HHIPL2: variants seen among roughly 807,000 people sequenced by gnomAD.
HHIPL2 encodes the protein HHIP like 2.
Under a neutral mutation model 61.0 loss-of-function variants are expected in HHIPL2, and 61 were observed. That is an observed-to-expected ratio of 1.00 (90% CI 0.81 to 1.24). The LOEUF (loss-of-function observed/expected upper bound fraction) is 1.24. Ranked by LOEUF, HHIPL2 falls within the 50% of genes most tolerant of loss-of-function variation. The pLI, the probability that HHIPL2 is intolerant of heterozygous loss-of-function variation, is 0.00. For missense variants in HHIPL2, 885 were observed against 910.2 expected, an observed-to-expected ratio of 0.97 and a Z score of 0.36; for synonymous variants, 343 against 357.4, an observed-to-expected ratio of 0.96 and a Z score of 0.45.
rs2102620704 is a variant in HHIPL2 at position 222,542,029 on chromosome 1, A to G, written c.1101T>C (p.Phe367=). Reference sequence around the variant, plus strand: ...CAGCTTACTTGTTCTGAGCATTTCCAAACAGGCCAAAGGGATCTCCAGCCT... The same window carrying G: ...CAGCTTACTTGTTCTGAGCATTTCCGAACAGGCCAAAGGGATCTCCAGCCT... ...GGQAGDPFGL[F]GNAQNKSSLL... The change falls in exon 3 of 9, where the codon TTT becomes TTC. Residue 367 remains phenylalanine, a synonymous_variant. Coordinates refer to ENST00000343410, the MANE Select transcript of HHIPL2 (RefSeq NM_024746.4). The G allele has an allele frequency of 1.2e-6, 2 of 1,612,942 alleles. No individual in the cohort carries two copies. Among genetic ancestry groups the G allele is most frequent in the Non-Finnish European group, 8.5e-7 (1 of 1,179,738 alleles).
chr1:222,546,364 G>T (rs1374264840), intron 1 of HHIPL2, among the ~76,000 whole-genome samples: 2 of 152,190 alleles, frequency 1.3e-5, no homozygotes, highest in African/African-American at 4.8e-5. Flanking sequence ...TCAGTAAAAT[G>T]AGGATCATAA....
chr1:222,538,865 A>G, intron 4 of HHIPL2, 91 bp from the exon 5 acceptor site: 1 of 1,352,076 alleles, frequency 7.4e-7, no homozygotes, highest in Non-Finnish European at 1.0e-6. Context: ...GCAGTTGCCT[A>G]ATTCAGTAAA....
intron 5 of HHIPL2, among the ~76,000 whole-genome samples, chr1:222,534,879 GAGA>G (rs985100350): frequency 6.6e-6 from 1 of 152,130 alleles, no homozygotes; most frequent in African/African-American, 2.4e-5. Context: ...AATAAAAGGA[GAGA>G]AGGAGTGGGG....
chr1:222,537,452 C>CAA (rs1019529128), intron 5 of HHIPL2, among the ~76,000 whole-genome samples: 1 of 139,064 alleles, frequency 7.2e-6, no homozygotes, highest in African/African-American at 2.6e-5. Context: ...GGCTTCAATT[C>CAA]AAAAAAAAAA....
chr1:222,527,275 T>C (rs1659089238), intron 6 of HHIPL2, among the ~76,000 whole-genome samples: 1 of 152,196 alleles, frequency 6.6e-6, no homozygotes, highest in African/African-American at 2.4e-5. Flanking sequence ...GTGTATGGCC[T>C]AGCAGAGGCA....
Position 222,538,941 on chromosome 1 carries a change from T to A in HHIPL2, c.1451-167A>T, listed in dbSNP as rs1659365325. 6.5e-6 allele frequency: 4 copies of A among 615,184 alleles called. No homozygotes were observed. In the South Asian group the frequency reaches 7.7e-5, roughly 12 times the overall value. 38.1% of individuals were successfully genotyped at this position (615,184 alleles called of 1,614,324 possible). On this transcript the variant is annotated intron_variant, in intron 4 of 8. Coordinates refer to ENST00000343410, the MANE Select transcript of HHIPL2 (RefSeq NM_024746.4). ...AGTGAATCATGTTTATTGTTCTCAA[T>A]AGGCCATCCACAATATTTGCAAACT...
chr1:222,535,672 G>A (rs1463964587), intron 5 of HHIPL2, among the ~76,000 whole-genome samples: 4 of 151,948 alleles, frequency 2.6e-5, no homozygotes, highest in South Asian at 2.1e-4. Flanking sequence ...CTCTGCCATC[G>A]TTGTTGCATC....
chr1:222,537,310 CATCATATTGGTGTGATGTT>C, intron 5 of HHIPL2, among the ~76,000 whole-genome samples: 2 of 151,388 alleles, frequency 1.3e-5, no homozygotes, highest in African/African-American at 4.8e-5. Context: ...CTACAGCTGA[CATCATATTGGTGTGATGTT>C]ACTGTGTAAC....
At chr1:222,539,527 TAA>T (rs10537670) in intron 4 of HHIPL2, among the ~76,000 whole-genome samples, 1 of 85,194 alleles carries the variant, frequency 1.2e-5, no homozygotes, top group East Asian at 3.1e-4. Flanking sequence ...AGACTCTGTC[TAA>T]AAAAAAAAAA....
intron 5 of HHIPL2, among the ~76,000 whole-genome samples, chr1:222,532,316 A>G (rs1028107579): frequency 2.0e-5 from 3 of 152,178 alleles, no homozygotes; most frequent in Non-Finnish European, 2.9e-5. Flanking sequence ...TTCATGTTCT[A>G]TATAAAAGGA....
chr1:222,528,137 G>A (rs576111479), intron 6 of HHIPL2, among the ~76,000 whole-genome samples: 1 of 152,204 alleles, frequency 6.6e-6, no homozygotes, highest in South Asian at 2.1e-4. Flanking sequence ...TTATGCTATG[G>A]GGTCATGAGC....
At chr1:222,546,395 G>A (rs922043563) in intron 1 of HHIPL2, among the ~76,000 whole-genome samples, 2 of 152,190 alleles carry the variant, frequency 1.3e-5, no homozygotes, top group Admixed American at 1.3e-4. Flanking sequence ...CAGAATCATT[G>A]CTGGGTACAC....
In HHIPL2 at chr1:222,544,897, A is replaced by C. The variant is rs1173714988; in HGVS notation, c.322-708T>G. Among the ~76,000 whole-genome samples, 9 of 152,304 alleles carry C rather than the reference A, an allele frequency of 5.9e-5. No individual in the cohort carries two copies. The East Asian group carries it at 1.7e-3, about 29-fold the overall frequency. ...AGATTAGGTGTTTAGCAATTTCTTTAATTATTGATTTTAAAAATTTCAGTG... is the reference window on the plus strand; with the variant it reads ...AGATTAGGTGTTTAGCAATTTCTTTCATTATTGATTTTAAAAATTTCAGTG... On this transcript the variant is annotated intron_variant, in intron 1 of 8. Coordinates refer to ENST00000343410, the MANE Select transcript of HHIPL2 (RefSeq NM_024746.4).
At chr1:222,541,939 T>C (rs1571776104) in intron 3 of HHIPL2, 73 bp downstream of exon 3, 1 of 1,479,140 alleles carries the variant, frequency 6.8e-7, no homozygotes, top group Non-Finnish European at 9.1e-7. Flanking sequence ...TTGAGTTTGA[T>C]GCCATCCCTG....
intron 6 of HHIPL2, 89 bp from the exon 7 acceptor site, chr1:222,527,139 G>T (rs1310690773): frequency 2.0e-6 from 2 of 990,762 alleles, no homozygotes; most frequent in Non-Finnish European, 1.5e-6. Context: ...TCAAAAAGAG[G>T]TTATGGCCCT....
intron 5 of HHIPL2, among the ~76,000 whole-genome samples, chr1:222,535,204 G>A (rs911284130): frequency 3.3e-5 from 5 of 152,134 alleles, no homozygotes; most frequent in Non-Finnish European, 7.4e-5. Flanking sequence ...AAAAAAACAT[G>A]TTAACATAGA....
At chr1:222,527,603 C>T (rs1292445134) in intron 6 of HHIPL2, among the ~76,000 whole-genome samples, 1 of 152,158 alleles carries the variant, frequency 6.6e-6, no homozygotes. Flanking sequence ...AAAATCACCT[C>T]TACCCACTCT....
chr1:222,532,831 G>C (rs908290999), intron 5 of HHIPL2, among the ~76,000 whole-genome samples: 2 of 138,442 alleles, frequency 1.4e-5, no homozygotes, highest in Non-Finnish European at 3.1e-5. Flanking sequence ...ACCAATGTGT[G>C]TGGCACATAG....
At position 222,543,834 on chromosome 1, in the gene HHIPL2, C is replaced by T; in HGVS notation, c.677G>A (p.Gly226Glu). Residue 226 changes from glycine (G) to glutamate (E), a missense_variant, in exon 2 of 9, where the codon GGG (glycine) becomes GAG (glutamate). By Grantham distance (98) the Gly-to-Glu change is moderately conservative. Coordinates refer to ENST00000343410, the MANE Select transcript of HHIPL2 (RefSeq NM_024746.4). The stretch of plus-strand genomic sequence containing the variant: ...AACAAAGAAGCGATGGGTGCCGTCC[C>T]CAGCATGGACCATGGAGACGGGGTT... ...LRNPVSMVHA[G>E]DGTHRFFVAE... 6.2e-7 allele frequency: 1 copy of T among 1,614,158 alleles called. No individual in the cohort carries two copies. The highest frequency in any genetic ancestry group is 8.5e-7 in the Non-Finnish European group (1 of 1,180,034).
Sources: gnomAD v4.1 joint callset for allele counts (sites outside exome capture counted in the v4.1 genomes callset) on GRCh38, gnomAD v4.1.1 for gene constraint, MANE v1.5 for transcripts, NCBI Gene and HGNC (gene_info 2026-07-23, HGNC 2026-07-21) for gene names.